The following PIK3CD variants were observed in gnomAD, a reference collection of about 807,000 sequenced individuals.
PIK3CD encodes the protein phosphatidylinositol 4,5-bisphosphate 3-kinase catalytic subunit delta isoform.
In PIK3CD, 20 loss-of-function variants were observed where a neutral mutation model predicts 122.9. That is an observed-to-expected ratio of 0.16 (90% confidence interval 0.11 to 0.24). The LOEUF is 0.24. Among genes scored for constraint, PIK3CD ranks in the 10% least tolerant of loss-of-function variants. The pLI is 1.00. For synonymous variants in PIK3CD, 596 were observed against 593.4 expected (o/e 1.00, Z -0.06); for missense variants, 787 against 1,406.3 (o/e 0.56, Z 7.04).
chr1:9,721,373 T>TGGCTGCCGAGGGAGCTCCCTCC, intron 14 of PIK3CD, 71 bp from the exon 15 acceptor site: 7 of 1,607,244 alleles, frequency 4.4e-6, no homozygotes, highest in Non-Finnish European at 5.9e-6. Flanking sequence ...GGCCTCCCTC[T>TGGCTGCCGAGGGAGCTCCCTCC]GGCTGCCGAG....
In PIK3CD at chr1:9,720,471, G is replaced by T. The variant is rs1314999050; in HGVS notation, c.1471-140G>T. The T allele has an allele frequency of 4.7e-6, 7 of 1,486,038 alleles. No homozygotes were observed. In the African/African-American group the frequency reaches 7.0e-5, roughly 15 times the overall value. 92.1% of individuals were successfully genotyped at this position (1,486,038 alleles called of 1,614,324 possible). A position where few individuals can be genotyped will look rare whatever the true frequency, so the allele number is the denominator to read the frequency against. On this transcript the variant is annotated intron_variant, in intron 11 of 23. Coordinates refer to ENST00000377346, the MANE Select transcript of PIK3CD (RefSeq NM_005026.5). The surrounding 1 kb of genome is among the most constrained non-coding windows in gnomAD (Gnocchi z 9.0). ...ATGCTCTTGGCATCTCGTGAGTGGA[G>T]GCCAGAGCTGCTGTGGATGCGCCTC...
At chr1:9,673,984 G>A (rs1375768943) in intron 1 of PIK3CD, among the ~76,000 whole-genome samples, 2 of 152,178 alleles carry the variant, frequency 1.3e-5, no homozygotes, top group East Asian at 1.9e-4. Context: ...AGGAAGGCTC[G>A]ACTCCATGGC....
chr1:9,646,506 T>G, the PIK3CD span, among the ~76,000 whole-genome samples: 2 of 152,198 alleles, frequency 1.3e-5, no homozygotes, highest in African/African-American at 4.8e-5. Flanking sequence ...GAAAGCAGTT[T>G]TAGGCTTCCA....
In PIK3CD at chr1:9,691,508, A is replaced by G. The variant is rs1438738524; in HGVS notation, c.-96A>G. 5.0e-6 allele frequency: 2 copies of G among 398,518 alleles called. No individual in the cohort carries two copies. The highest frequency in any genetic ancestry group is 8.8e-6 in the Non-Finnish European group (2 of 226,116). 24.7% of individuals were successfully genotyped at this position (398,518 alleles called of 1,614,324 possible). ...GGGCGGGATGACACTCATTGATTCT[A>G]AAGCATCTTTAATCTGCCAGGCGGA... On this transcript the variant is annotated 5_prime_UTR_variant, in exon 2 of 24. Transcript: ENST00000377346.
chr1:9,721,326 G>T (rs2100964820), intron 14 of PIK3CD, 78 bp downstream of exon 14: 4 of 1,610,302 alleles, frequency 2.5e-6, no homozygotes, highest in Middle Eastern at 1.7e-4. Context: ...CTCTGGGTGG[G>T]GCCTGAACCT....
At position 9,726,006 on chromosome 1, in the gene PIK3CD, G is replaced by A. The variant is rs184478336; in HGVS notation, c.2998-903G>A. ...GCAGGTGGATCACCTGAGGTCAGGA[G>A]TTTGAGACCAGCCTGGCCAACATGG... On this transcript the variant is annotated intron_variant, in intron 23 of 23. Coordinates refer to ENST00000377346, the MANE Select transcript of PIK3CD (RefSeq NM_005026.5). Among the ~76,000 whole-genome samples the A allele has an allele frequency of 2.0e-3, 307 of 152,198 alleles. 2 individuals carry two copies. Among genetic ancestry groups the A allele is most frequent in the Non-Finnish European group, 3.4e-3 (233 of 68,002 alleles).
intron 1 of PIK3CD, among the ~76,000 whole-genome samples, chr1:9,686,061 A>G (rs537745317): frequency 4.0e-4 from 61 of 152,348 alleles, no homozygotes; most frequent in Middle Eastern, 3.4e-3. Flanking sequence ...TGATGAAATC[A>G]CACATCACAA....
chr1:9,710,040 A>G lies in PIK3CD; in HGVS notation c.-32-384A>G, dbSNP rs561786092. Among the ~76,000 whole-genome samples the G allele has an allele frequency of 2.0e-5, 3 of 151,750 alleles. No homozygotes were observed. Among genetic ancestry groups the G allele is most frequent in the Non-Finnish European group, 4.4e-5 (3 of 67,956 alleles). ...AAAAGAATGTATTTCAAAGAACTGC[A>G]GCCTTCGGCCTCTCAGGTCTCAGGG... On this transcript the variant is annotated intron_variant, in intron 2 of 23. Transcript: ENST00000377346. The surrounding 1 kb of genome is among the most constrained non-coding windows in gnomAD (Gnocchi z 4.7).
At position 9,655,315 on chromosome 1, in the gene PIK3CD, C is replaced by T. The variant is rs80354221; in HGVS notation, c.-138+3513C>T. 4.5e-3 allele frequency among the ~76,000 whole-genome samples: 679 copies of T among 152,170 alleles called. 9 individuals are homozygous for T. The highest frequency in any genetic ancestry group is 0.016 in the African/African-American group (651 of 41,512). ...TTCATAAATAGCGAAGGTGGCAAAA[C>T]GCCACCTCTCTCCCTACAGTTAACG... On this transcript the variant is annotated intron_variant, in intron 1 of 23. Coordinates refer to ENST00000377346, the MANE Select transcript of PIK3CD (RefSeq NM_005026.5).
At chr1:9,638,777 A>AT in the PIK3CD span, among the ~76,000 whole-genome samples, 411 of 116,976 alleles carry the variant, frequency 3.5e-3, 4 homozygotes, top group Middle Eastern at 5.5e-3. Flanking sequence ...CTTTTGCAAG[A>AT]TTTTTTTTTT....
the PIK3CD span, among the ~76,000 whole-genome samples, chr1:9,636,523 C>T: frequency 6.6e-6 from 1 of 152,112 alleles, no homozygotes; most frequent in Non-Finnish European, 1.5e-5. Context: ...CGGAAGACAC[C>T]ATCAGTTCCC....
At chr1:9,638,038 T>A in the PIK3CD span, among the ~76,000 whole-genome samples, 1 of 151,088 alleles carries the variant, frequency 6.6e-6, no homozygotes, top group East Asian at 1.9e-4. Context: ...ACCCGGGAGG[T>A]AGAGGTTGCA....
chr1:9,725,035 G>A, intron 23 of PIK3CD, 99 bp downstream of exon 23: 1 of 1,430,562 alleles, frequency 7.0e-7, no homozygotes, highest in Non-Finnish European at 9.6e-7. Context: ...AGGCCCCAAA[G>A]GGCACTGAGC....
rs1553163602 is a variant in PIK3CD at position 9,689,872 on chromosome 1, G to GGGCTTGGGGGGCCGAGGC, written c.-137-1594_-137-1577dup. On this transcript the variant is annotated intron_variant, in intron 1 of 23. Transcript: ENST00000377346. The surrounding 1 kb of genome is among the most constrained non-coding windows in gnomAD (Gnocchi z 6.1). Reference sequence around the variant, plus strand: ...GGCGATCAGGGGTCCGGGGCCGTGGGGGCTTGGGGGGCCGAGGCAGGGGGT... The same window carrying GGGCTTGGGGGGCCGAGGC: ...GGCGATCAGGGGTCCGGGGCCGTGGGGGCTTGGGGGGCCGAGGCGGCTTGGGGGGCCGAGGCAGGGGGT... Among the ~76,000 whole-genome samples the GGGCTTGGGGGGCCGAGGC allele has an allele frequency of 8.5e-5, 13 of 152,060 alleles. No homozygotes were observed. The East Asian group carries it at 2.5e-3, about 30-fold the overall frequency.
At chr1:9,657,066 C>A (rs959973429) in intron 1 of PIK3CD, among the ~76,000 whole-genome samples, 3 of 152,112 alleles carry the variant, frequency 2.0e-5, no homozygotes, top group Non-Finnish European at 4.4e-5. Context: ...CTTTGCTCTT[C>A]CTTCTGGGGG....
At chr1:9,636,584 C>G in the PIK3CD span, among the ~76,000 whole-genome samples, 1 of 152,196 alleles carries the variant, frequency 6.6e-6, no homozygotes, top group Non-Finnish European at 1.5e-5. Flanking sequence ...GCTTGCTCTT[C>G]CATTGAGTGG....
At chr1:9,726,353 C>CA (rs1164825623) in intron 23 of PIK3CD, among the ~76,000 whole-genome samples, 9 of 151,758 alleles carry the variant, frequency 5.9e-5, no homozygotes, top group Non-Finnish European at 1.3e-4. Context: ...CTAAAAAATA[C>CA]AAAAAATTAG....
chr1:9,676,024 C>T (rs912869841), intron 1 of PIK3CD, among the ~76,000 whole-genome samples: 1 of 151,694 alleles, frequency 6.6e-6, no homozygotes, highest in African/African-American at 2.4e-5. Flanking sequence ...CTCTACCTCC[C>T]GGGTTCAAGC....
Position 9,675,254 on chromosome 1 carries a change from C to T in PIK3CD, c.-137-16213C>T, listed in dbSNP as rs757022314. Reference sequence around the variant, plus strand: ...CAAAAAAATTAGCCGGGCGTGGTAGCGGGCGCCTGTAGTCCCAGCTACTCG... The same window carrying T: ...CAAAAAAATTAGCCGGGCGTGGTAGTGGGCGCCTGTAGTCCCAGCTACTCG... On this transcript the variant is annotated intron_variant, in intron 1 of 23. Coordinates refer to ENST00000377346, the MANE Select transcript of PIK3CD (RefSeq NM_005026.5). Among the ~76,000 whole-genome samples the T allele has an allele frequency of 5.8e-4, 87 of 149,640 alleles. 1 individual carries two copies. Among genetic ancestry groups the T allele is most frequent in the Non-Finnish European group, 9.3e-4 (63 of 67,446 alleles).
Sources: allele counts gnomAD v4.1 joint callset (sites outside exome capture counted in the v4.1 genomes callset), GRCh38; gene constraint gnomAD v4.1.1; non-coding constraint Gnocchi (gnomAD v3.1); transcripts MANE v1.5; gene names NCBI Gene and HGNC (gene_info 2026-07-23, HGNC 2026-07-21).